CHMP3: variants seen among roughly 807,000 people sequenced by gnomAD.
CHMP3 encodes the protein charged multivesicular body protein 3, also known as 25.1 protein.
CHMP3 carries 8 observed loss-of-function variants against 27.4 expected under a neutral mutation model. That is an observed-to-expected ratio of 0.29 (90% confidence interval 0.17 to 0.53). CHMP3 has a LOEUF of 0.53. Among genes scored for constraint, CHMP3 ranks in the 20% least tolerant of loss-of-function variants. The pLI, the probability that CHMP3 is intolerant of heterozygous loss-of-function variation, is 0.96. For synonymous variants in CHMP3, 86 were observed against 85.5 expected (o/e 1.01, Z -0.03); for missense variants, 208 against 271.5 (o/e 0.77, Z 1.64).
At chr2:86,525,444 G>A (rs1675665419) in intron 3 of CHMP3, among the ~76,000 whole-genome samples, 1 of 150,658 alleles carries the variant, frequency 6.6e-6, no homozygotes, top group Non-Finnish European at 1.5e-5. Context: ...CTCCTTTCCC[G>A]CTTTTCTCCA....
chr2:86,551,323 C>T (rs1371782119), intron 1 of CHMP3, among the ~76,000 whole-genome samples: 1 of 149,556 alleles, frequency 6.7e-6, no homozygotes, highest in Non-Finnish European at 1.5e-5. Flanking sequence ...TGTCACCCAT[C>T]TCGGCTCACT....
Position 86,507,571 on chromosome 2 carries a change from A to AAC in CHMP3, c.429_430dup (p.Leu144CysfsTer2). 1 of 1,614,120 alleles carries AAC rather than the reference A, an allele frequency of 6.2e-7. No homozygotes were observed. The highest frequency in any genetic ancestry group is 8.5e-7 in the Non-Finnish European group (1 of 1,179,996). On this transcript the variant is annotated frameshift_variant, in exon 5 of 6. Transcript: ENST00000263856. LOFTEE classifies it high-confidence loss of function. ...GTCCATGCTTTCAAAAGTGTCCTCT[A>AAC]ACATCTCCTCTATGATCCCAGCCTA...
chr2:86,528,991 T>C (rs952608836), intron 3 of CHMP3, among the ~76,000 whole-genome samples: 2 of 152,238 alleles, frequency 1.3e-5, no homozygotes, highest in African/African-American at 2.4e-5. Context: ...CAATACATTC[T>C]AACTTCTAAA....
At chr2:86,535,989 CCTTT>C (rs992293640) in intron 2 of CHMP3, among the ~76,000 whole-genome samples, 2 of 114,486 alleles carry the variant, frequency 1.7e-5, no homozygotes, top group Admixed American at 9.5e-5. Context: ...GAGTTATAAA[CCTTT>C]CTTTTTTTTT....
chr2:86,540,437 T>C (rs937714460), intron 2 of CHMP3, among the ~76,000 whole-genome samples: 9 of 152,106 alleles, frequency 5.9e-5, no homozygotes, highest in African/African-American at 2.2e-4. Flanking sequence ...TGGGACCAAA[T>C]GTCTTTCAGG....
chr2:86,538,382 G>A (rs773644170), intron 2 of CHMP3, among the ~76,000 whole-genome samples: 5 of 152,098 alleles, frequency 3.3e-5, no homozygotes, highest in Admixed American at 6.5e-5. Context: ...TGCACCTAAT[G>A]CCACTGAACT....
chr2:86,530,748 T>C (rs1300386149), intron 2 of CHMP3, among the ~76,000 whole-genome samples: 2 of 152,240 alleles, frequency 1.3e-5, no homozygotes, highest in Admixed American at 1.3e-4. Flanking sequence ...ACAGCTGTAC[T>C]GTTTTTCACA....
chr2:86,506,515 A>C lies in CHMP3; in HGVS notation c.524-566T>G, dbSNP rs1674892608. Reference sequence around the variant, plus strand: ...AAGGCTTTATTCACATGTTGTAAACATCATTCCATGTTAACGAGTATATTT... The same window carrying C: ...AAGGCTTTATTCACATGTTGTAAACCTCATTCCATGTTAACGAGTATATTT... On this transcript the variant is annotated intron_variant, in intron 5 of 5. Transcript: ENST00000263856. Among the ~76,000 whole-genome samples, 4 of 152,306 alleles carry C rather than the reference A, an allele frequency of 2.6e-5. No homozygotes were observed. The South Asian group carries it at 8.3e-4, about 32-fold the overall frequency.
At position 86,563,076 on chromosome 2, in the gene CHMP3, C is replaced by G. The variant is rs772877965; in HGVS notation, c.45+228G>C. ...TCAGTGGCGAGGTGGAGAAACTCTT[C>G]ATCCACCCTCGGCTACCTGTTCGAG... is the stretch of plus-strand genomic sequence containing the variant. On this transcript the variant is annotated intron_variant, in intron 1 of 5. Transcript: ENST00000263856. 19 of 498,222 alleles carry G rather than the reference C, an allele frequency of 3.8e-5. 1 individual carries two copies. The highest frequency in any genetic ancestry group is 9.8e-5 in the Admixed American group (3 of 30,688). The allele number at this position is 498,222 out of a possible 1,614,324, so 30.9% of individuals were successfully genotyped here.
rs759575912 is a variant in CHMP3, at chr2:86,536,913, G to T, written c.106+5339C>A. On this transcript the variant is annotated intron_variant, in intron 2 of 5. Coordinates refer to ENST00000263856, the MANE Select transcript of CHMP3 (RefSeq NM_016079.4). ...TTTTTCTTTTTCTTTTTTTTCAGTA[G>T]ACAGGGTCTTGCTCTGTTGCCCATG... Among the ~76,000 whole-genome samples the T allele has an allele frequency of 1.3e-5, 2 of 151,410 alleles. 1 individual carries two copies.
At chr2:86,561,191 T>C (rs1677345012) in intron 1 of CHMP3, among the ~76,000 whole-genome samples, 1 of 152,246 alleles carries the variant, frequency 6.6e-6, no homozygotes, top group African/African-American at 2.4e-5. Context: ...ATGATAATTC[T>C]AAGTATAGGC....
intron 2 of CHMP3, among the ~76,000 whole-genome samples, chr2:86,539,019 C>A (rs1355374155): frequency 6.6e-6 from 1 of 152,282 alleles, no homozygotes; most frequent in East Asian, 1.9e-4. Flanking sequence ...CCACCATTCC[C>A]CCCGAGTAAG....
At chr2:86,505,994 G>T in intron 5 of CHMP3, 45 bp from the exon 6 acceptor site, 1 of 1,474,326 alleles carries the variant, frequency 6.8e-7, no homozygotes, top group Non-Finnish European at 9.1e-7. Context: ...GCTTAAGGAA[G>T]CAGCCCCTCA....
At chr2:86,510,505 A>G in intron 3 of CHMP3, 26 bp from the exon 4 acceptor site, 1 of 1,608,252 alleles carries the variant, frequency 6.2e-7, no homozygotes, top group South Asian at 1.1e-5. Context: ...TACAGTCAGG[A>G]TTGTTCAACA....
At chr2:86,506,040 C>A in intron 5 of CHMP3, 91 bp from the exon 6 acceptor site, 1 of 1,364,208 alleles carries the variant, frequency 7.3e-7, no homozygotes, top group South Asian at 2.0e-5. Context: ...CCAATCTGAC[C>A]AGATACAAAA....
chr2:86,508,959 G>C (rs944551830), intron 4 of CHMP3, among the ~76,000 whole-genome samples: 5 of 152,200 alleles, frequency 3.3e-5, no homozygotes, highest in African/African-American at 1.2e-4. Flanking sequence ...TTCACACTCT[G>C]GAGGTAGAAG....
At chr2:86,526,649 G>C (rs1675720657) in intron 3 of CHMP3, among the ~76,000 whole-genome samples, 1 of 150,824 alleles carries the variant, frequency 6.6e-6, no homozygotes, top group South Asian at 2.1e-4. Context: ...TCAAATCAAT[G>C]GACTAGAGCA....
chr2:86,541,238 T>C (rs1408391051), intron 2 of CHMP3: 4 of 152,152 alleles, frequency 2.6e-5, no homozygotes, highest in Non-Finnish European at 5.9e-5. Context: ...TTATTAGCTC[T>C]AAGAATTATT....
intron 3 of CHMP3, among the ~76,000 whole-genome samples, chr2:86,516,801 T>C (rs543193911): frequency 3.3e-5 from 5 of 152,366 alleles, no homozygotes; most frequent in African/African-American, 1.2e-4. Flanking sequence ...TAATTCCATT[T>C]ATACAACATT....
Sources: gnomAD v4.1 joint callset for allele counts (sites outside exome capture counted in the v4.1 genomes callset) on GRCh38, gnomAD v4.1.1 for gene constraint, MANE v1.5 for transcripts, NCBI Gene and HGNC (gene_info 2026-07-23, HGNC 2026-07-21) for gene names.